ZCCHC14: variants seen among roughly 807,000 people sequenced by gnomAD.
The protein encoded by ZCCHC14 is zinc finger CCHC-type containing 14.
Under a neutral mutation model 85.0 loss-of-function variants are expected in ZCCHC14, and 16 were observed. The ratio of observed to expected loss-of-function variants is 0.19; its 90% confidence interval spans 0.13 to 0.29. The LOEUF is 0.29. Ranked by LOEUF, ZCCHC14 falls within the 10% of genes least tolerant of loss-of-function variation. The probability of loss-of-function intolerance (pLI) is 1.00; values close to 1 mark genes in which losing one functional copy is unlikely to be tolerated. For synonymous variants in ZCCHC14, 775 were observed against 630.7 expected (o/e 1.23, Z -3.43); for missense variants, 1,303 against 1,443.5 (o/e 0.90, Z 1.58).
intron 1 of ZCCHC14, among the ~76,000 whole-genome samples, chr16:87,488,909 TTAAAA>T (rs1912629820): frequency 1.3e-5 from 2 of 152,098 alleles, no homozygotes; most frequent in Non-Finnish European, 2.9e-5. Context: ...GATAAAGAAT[TTAAAA>T]AGCCATTGAC....
At chr16:87,482,833 GATCCGTTTGA>G (rs1297057782) in intron 1 of ZCCHC14, among the ~76,000 whole-genome samples, 1 of 152,110 alleles carries the variant, frequency 6.6e-6, no homozygotes, top group Non-Finnish European at 1.5e-5. Context: ...ATTCCAGATG[GATCCGTTTGA>G]TATAAAAAGA....
At position 87,463,269 on chromosome 16, in the gene ZCCHC14, C is replaced by G. The variant is rs550866016; in HGVS notation, c.571-3138G>C. Among the ~76,000 whole-genome samples the G allele has an allele frequency of 1.6e-4, 25 of 152,196 alleles. No homozygotes were observed. In the South Asian group the frequency reaches 4.6e-3, roughly 28 times the overall value. ...TCGTGGCCTGTGCCTGCAGTCCCAA[C>G]TACTTGGGAGGCTAAGGTGGGAGCA... On this transcript the variant is annotated intron_variant, in intron 1 of 12. Transcript: ENST00000671377.
chr16:87,429,972 C>T (rs1315425931), intron 3 of ZCCHC14, among the ~76,000 whole-genome samples: 1 of 152,244 alleles, frequency 6.6e-6, no homozygotes, highest in Non-Finnish European at 1.5e-5. Context: ...ATAAATCCTT[C>T]ATCAGCTACA....
intron 3 of ZCCHC14, among the ~76,000 whole-genome samples, chr16:87,425,292 T>C (rs1023567596): frequency 1.1e-4 from 16 of 152,112 alleles, no homozygotes; most frequent in Admixed American, 1.0e-3. Context: ...TGAAAATGCT[T>C]GAGGCCGGGC....
At chr16:87,468,648 T>C (rs1417433118) in intron 1 of ZCCHC14, among the ~76,000 whole-genome samples, 10 of 152,214 alleles carry the variant, frequency 6.6e-5, no homozygotes. Flanking sequence ...TATAAAGTCT[T>C]ATTATTCCCT....
chr16:87,411,604 C>G lies in ZCCHC14; in HGVS notation c.3117G>C (p.Lys1039Asn), dbSNP rs746183070. 1.2e-6 allele frequency: 2 copies of G among 1,613,908 alleles called. No individual in the cohort carries two copies. The highest frequency in any genetic ancestry group is 4.5e-5 in the East Asian group (2 of 44,874). Residue 1039 changes from lysine to asparagine, a missense_variant, in exon 12 of 13, where the codon AAG becomes AAC. By Grantham distance (94) the Lys-to-Asn change is moderately conservative. Transcript: ENST00000671377. ...VGSSNGSSHK[K>N]SGNLSCYNCG... ...AGTTGTAACAAGATAGGTTCCCGCT[C>G]TTTTTGTGACTGGAACCATTGCTAC...
chr16:87,469,365 C>G (rs1282552309), intron 1 of ZCCHC14, among the ~76,000 whole-genome samples: 1 of 152,228 alleles, frequency 6.6e-6, no homozygotes, highest in Admixed American at 6.5e-5. Flanking sequence ...ATGCCTTCCC[C>G]AAGGTCATCT....
intron 1 of ZCCHC14, among the ~76,000 whole-genome samples, chr16:87,489,683 GC>G (rs1260109233): frequency 1.3e-5 from 2 of 152,148 alleles, no homozygotes; most frequent in Admixed American, 6.5e-5. Flanking sequence ...CTGGGGTGTA[GC>G]GGGGGAGGTG....
chr16:87,433,387 G>T (rs1343979592), intron 2 of ZCCHC14, among the ~76,000 whole-genome samples, 186 bp from the exon 3 acceptor site: 1 of 152,208 alleles, frequency 6.6e-6, no homozygotes, highest in Non-Finnish European at 1.5e-5. Context: ...CACCAATGCA[G>T]GGCAGATTCA....
chr16:87,411,184 C>A (rs1908415455), intron 12 of ZCCHC14, among the ~76,000 whole-genome samples: 1 of 152,202 alleles, frequency 6.6e-6, no homozygotes, highest in Non-Finnish European at 1.5e-5. Flanking sequence ...AGCCTGAGGG[C>A]CCCAGTGTTA....
intron 1 of ZCCHC14, among the ~76,000 whole-genome samples, chr16:87,460,641 G>C (rs537529573): frequency 6.6e-6 from 1 of 152,072 alleles, no homozygotes; most frequent in South Asian, 2.1e-4. Flanking sequence ...AGTGAGCCAA[G>C]ATGGTGACAC....
rs142187774 is a variant in ZCCHC14 at position 87,420,016 on chromosome 16, C to G, written c.951-139G>C. On this transcript the variant is annotated intron_variant, in intron 5 of 12. Transcript: ENST00000671377. This position sits in a 1 kb window ranked among gnomAD's most constrained non-coding sequence, Gnocchi z 5.0. ...AGAAGTGCCAGAGCCTCATATTCTT[C>G]CTGCTTTAATTCAACTGAGTTCTTG... The G allele has an allele frequency of 4.4e-3, 2,778 of 630,552 alleles. 100 individuals carry two copies. The Admixed American group carries it at 0.066, about 15-fold the overall frequency. 39.1% of individuals were successfully genotyped at this position (630,552 alleles called of 1,614,324 possible).
chr16:87,467,053 T>G (rs530427415), intron 1 of ZCCHC14: 6 of 451,828 alleles, frequency 1.3e-5, no homozygotes, highest in African/African-American at 6.1e-5. Flanking sequence ...TTGTTTTTTT[T>G]TTTTTTTTTA....
chr16:87,419,736 GTTTT>G (rs372390408), intron 6 of ZCCHC14, 43 bp downstream of exon 6: 2 of 1,119,726 alleles, frequency 1.8e-6, no homozygotes, highest in African/African-American at 1.7e-5. Flanking sequence ...GCGCCCAGCT[GTTTT>G]TTTTTTTTTT....
Position 87,414,447 on chromosome 16 carries a change from G to A in ZCCHC14, c.1570C>T (p.Pro524Ser), listed in dbSNP as rs1908672726. 6.2e-7 allele frequency: 1 copy of A among 1,613,284 alleles called. No homozygotes were observed. Among genetic ancestry groups the A allele is most frequent in the Non-Finnish European group, 8.5e-7 (1 of 1,179,980 alleles). ...TGGCTGCCCCGCCCCGACTGCACGG[G>A]CCCGACGTGGCTGGTGGGGGGCACT... ...ARVPPTSHVGPVQSGRGSHAA... is the reference protein window; with the variant it reads ...ARVPPTSHVGSVQSGRGSHAA... Residue 524 changes from proline to serine, a missense_variant, in exon 10 of 13, where the codon CCC (proline) becomes TCC (serine). By Grantham distance (74) the Pro-to-Ser change is moderately conservative. Transcript: ENST00000671377.
chr16:87,485,319 C>G (rs748673690), intron 1 of ZCCHC14, among the ~76,000 whole-genome samples: 1 of 152,182 alleles, frequency 6.6e-6, no homozygotes, highest in Non-Finnish European at 1.5e-5. Context: ...ACAGAAACTG[C>G]TAAGAATTAA....
chr16:87,457,976 C>T (rs904007636), intron 2 of ZCCHC14, among the ~76,000 whole-genome samples: 7 of 152,090 alleles, frequency 4.6e-5, no homozygotes, highest in South Asian at 2.1e-4. Context: ...GCCTCAGAGC[C>T]GACCCGCCAG....
At chr16:87,443,068 T>G (rs542506384) in intron 2 of ZCCHC14, among the ~76,000 whole-genome samples, 2 of 152,196 alleles carry the variant, frequency 1.3e-5, no homozygotes, top group African/African-American at 4.8e-5. Flanking sequence ...ATGTGAAATA[T>G]CTGGGTAATA....
At chr16:87,421,761 C>T (rs1444789559) in intron 4 of ZCCHC14, among the ~76,000 whole-genome samples, 1 of 152,170 alleles carries the variant, frequency 6.6e-6, no homozygotes, top group African/African-American at 2.4e-5. Context: ...GTAACAGAGG[C>T]AGCAAGAGAG....
Sources: gnomAD v4.1 joint callset for allele counts (sites outside exome capture counted in the v4.1 genomes callset) on GRCh38, gnomAD v4.1.1 for gene constraint, Gnocchi (gnomAD v3.1) non-coding constraint, MANE v1.5 for transcripts, NCBI Gene and HGNC (gene_info 2026-07-23, HGNC 2026-07-21) for gene names.